SNAP91: variants seen among roughly 807,000 people sequenced by gnomAD.
The protein encoded by SNAP91 is synaptosome associated protein 91, also known as clathrin coat assembly protein AP180.
A neutral mutation model predicts 100.3 loss-of-function variants in SNAP91; 27 were observed. That is an observed-to-expected ratio of 0.27 (90% CI 0.20 to 0.37). The LOEUF (loss-of-function observed/expected upper bound fraction) is 0.37. Among genes scored for constraint, SNAP91 ranks in the 10% least tolerant of loss-of-function variants. The pLI is 1.00. For missense variants in SNAP91, 986 were observed against 1,123.7 expected (o/e 0.88, Z 1.75); for synonymous variants, 404 against 398.6 (o/e 1.01, Z -0.16).
chr6:83,662,348 A>G lies in SNAP91; in HGVS notation c.348T>C (p.His116=), dbSNP rs989415250. ...ATTATAAAATACAAATATTCTCACC[A>G]TGGGATCCACTTTTGTCCAAAAAAT... ...LSNFLDKSGS[H]GYDMSTFIRR... Residue 116 remains histidine, a splice_region_variant and synonymous_variant, in exon 4 of 30, where the codon CAT becomes CAC. Coordinates refer to ENST00000369694, the MANE Select transcript of SNAP91 (RefSeq NM_001242792.2). 15 of 1,400,212 alleles carry G rather than the reference A, an allele frequency of 1.1e-5. No individual in the cohort carries two copies. Among genetic ancestry groups the G allele is most frequent in the Non-Finnish European group, 1.4e-5 (15 of 1,049,896 alleles). 86.7% of individuals were successfully genotyped at this position (1,400,212 alleles called of 1,614,324 possible).
intron 23 of SNAP91, among the ~76,000 whole-genome samples, 171 bp from the exon 24 acceptor site, chr6:83,580,770 G>A (rs992045516): frequency 6.6e-6 from 1 of 152,084 alleles, no homozygotes; most frequent in African/African-American, 2.4e-5. Flanking sequence ...AGAACATGTC[G>A]ACATATGTCT....
At chr6:83,671,217 A>G (rs1192382675) in intron 2 of SNAP91, among the ~76,000 whole-genome samples, 1 of 152,066 alleles carries the variant, frequency 6.6e-6, no homozygotes, top group East Asian at 1.9e-4. Flanking sequence ...CATCAGTCTT[A>G]CACATATTTT....
chr6:83,590,191 CCTGT>C (rs1430862890), intron 22 of SNAP91, among the ~76,000 whole-genome samples: 3 of 152,086 alleles, frequency 2.0e-5, no homozygotes, highest in African/African-American at 4.8e-5. Flanking sequence ...CTGTTATGTA[CCTGT>C]CTAAGTAAAA....
intron 8 of SNAP91, among the ~76,000 whole-genome samples, chr6:83,635,430 AATGTC>A (rs2097395894): frequency 6.6e-6 from 1 of 152,056 alleles, no homozygotes; most frequent in Non-Finnish European, 1.5e-5. Flanking sequence ...ATCATTATGT[AATGTC>A]CTTCTTTGTA....
intron 14 of SNAP91, among the ~76,000 whole-genome samples, chr6:83,603,373 G>T (rs2095405320): frequency 6.6e-6 from 1 of 151,716 alleles, no homozygotes; most frequent in Non-Finnish European, 1.5e-5. Flanking sequence ...ATATAATTTG[G>T]ATCCAACTGC....
At chr6:83,632,564 C>T (rs553229718) in intron 8 of SNAP91, among the ~76,000 whole-genome samples, 2 of 152,272 alleles carry the variant, frequency 1.3e-5, no homozygotes, top group African/African-American at 4.8e-5. Flanking sequence ...TCCCAGACTT[C>T]CTGGAGGCTT....
At chr6:83,695,853 A>G (rs566485401) in intron 2 of SNAP91, among the ~76,000 whole-genome samples, 1 of 151,498 alleles carries the variant, frequency 6.6e-6, no homozygotes, top group African/African-American at 2.4e-5. Context: ...TTATGTCACC[A>G]AGGAACACAG....
chr6:83,575,311 C>A, intron 25 of SNAP91, 190 bp from the exon 26 acceptor site: 3 of 561,934 alleles, frequency 5.3e-6, no homozygotes, highest in Non-Finnish European at 9.3e-6. Flanking sequence ...AGCTTAAAAG[C>A]ATTTGAAAAA....
intron 2 of SNAP91, among the ~76,000 whole-genome samples, chr6:83,689,874 C>T (rs2099109236): frequency 6.6e-6 from 1 of 151,984 alleles, no homozygotes; most frequent in South Asian, 2.1e-4. Context: ...TCTATTTTGA[C>T]ATTTAACTCT....
At chr6:83,709,103 T>C, upstream of SNAP91, 1 of 152,356 alleles carries the variant, frequency 6.6e-6, no homozygotes, top group East Asian at 1.9e-4. Context: ...CCGAGCTGCG[T>C]CCCCATCCCC....
chr6:83,602,378 A>G (rs1352227238), intron 14 of SNAP91, among the ~76,000 whole-genome samples: 1 of 152,184 alleles, frequency 6.6e-6, no homozygotes, highest in Admixed American at 6.5e-5. Context: ...ATTTAGAGAC[A>G]TTTGAAGTGG....
At chr6:83,667,206 C>A (rs903984257) in intron 2 of SNAP91, among the ~76,000 whole-genome samples, 1 of 151,996 alleles carries the variant, frequency 6.6e-6, no homozygotes, top group Admixed American at 6.6e-5. Context: ...AGAAGATAAA[C>A]AGTTCACTGA....
chr6:83,691,039 C>G (rs531299617), intron 2 of SNAP91, among the ~76,000 whole-genome samples: 1 of 152,102 alleles, frequency 6.6e-6, no homozygotes, highest in African/African-American at 2.4e-5. Context: ...TTTTCACACT[C>G]TTAAATAGAG....
chr6:83,593,707 A>G lies in SNAP91; in HGVS notation c.1467T>C (p.Ala489=), dbSNP rs367840846. The change falls in exon 18 of 30, where the codon GCT becomes GCC. Residue 489 remains alanine, a synonymous_variant. Transcript: ENST00000369694. ...TTGCAAAGAGGTCCAGCTCAGGTGC[A>G]GCCTCTGCACTACCTTCAGACGGGG... ...PFAPSEGSAE[A]APELDLFAMK... 2.3e-5 allele frequency: 37 copies of G among 1,604,078 alleles called. No homozygotes were observed. In the African/African-American group the frequency reaches 4.1e-4, roughly 18 times the overall value.
chr6:83,684,745 T>C (rs1326186516), intron 2 of SNAP91, among the ~76,000 whole-genome samples: 1 of 152,208 alleles, frequency 6.6e-6, no homozygotes, highest in Admixed American at 6.6e-5. Context: ...CCTGTAATAG[T>C]TGCTCCAAGT....
chr6:83,661,695 G>T, intron 4 of SNAP91, 91 bp from the exon 5 acceptor site: 1 of 648,054 alleles, frequency 1.5e-6, no homozygotes, highest in South Asian at 2.4e-5. Context: ...CTCTCTAAAT[G>T]GTGATAGTCC....
rs1400558023 is a variant in SNAP91 at position 83,630,385 on chromosome 6, C to T, written c.766-7043G>A. 4.6e-5 allele frequency among the ~76,000 whole-genome samples: 7 copies of T among 151,956 alleles called. 1 individual carries two copies. Among genetic ancestry groups the T allele is most frequent in the South Asian group, 4.1e-4 (2 of 4,822 alleles). ...AACAGAATGATTTAGGGAGGGTTTCCTCTTTCTCTATCTTGCGGAATAGTG... is the reference window on the plus strand; with the variant it reads ...AACAGAATGATTTAGGGAGGGTTTCTTCTTTCTCTATCTTGCGGAATAGTG... On this transcript the variant is annotated intron_variant, in intron 8 of 29. Coordinates refer to ENST00000369694, the MANE Select transcript of SNAP91 (RefSeq NM_001242792.2).
At chr6:83,634,481 G>A (rs1311138920) in intron 8 of SNAP91, among the ~76,000 whole-genome samples, 1 of 152,180 alleles carries the variant, frequency 6.6e-6, no homozygotes, top group Non-Finnish European at 1.5e-5. Flanking sequence ...TCTTCAGGGA[G>A]TCTGTGGGTC....
intron 16 of SNAP91, among the ~76,000 whole-genome samples, chr6:83,597,964 G>A (rs1430038775): frequency 6.6e-6 from 1 of 152,158 alleles, no homozygotes; most frequent in Non-Finnish European, 1.5e-5. Flanking sequence ...AAGTTCTTTG[G>A]TTTTCCAGTC....
Sources: gnomAD v4.1 joint callset for allele counts (sites outside exome capture counted in the v4.1 genomes callset) on GRCh38, gnomAD v4.1.1 for gene constraint, MANE v1.5 for transcripts, NCBI Gene and HGNC (gene_info 2026-07-23, HGNC 2026-07-21) for gene names.